The following DMRT1 variants were observed in gnomAD, a reference collection of about 807,000 sequenced individuals.
The protein encoded by DMRT1 is doublesex and mab-3 related transcription factor 1, also known as doublesex- and mab-3-related transcription factor 1.
A neutral mutation model predicts 32.3 loss-of-function variants in DMRT1; 7 were observed. The ratio of observed to expected loss-of-function variants is 0.22; its 90% confidence interval spans 0.12 to 0.41. DMRT1 has a LOEUF of 0.41. Ranked by LOEUF, DMRT1 falls within the 10% of genes least tolerant of loss-of-function variation. The pLI is 1.00. For missense variants in DMRT1, 625 were observed against 500.5 expected (o/e 1.25, Z -2.37); for synonymous variants, 278 against 206.1 (o/e 1.35, Z -2.99).
intron 4 of DMRT1, among the ~76,000 whole-genome samples, chr9:941,347 T>G (rs992092297): frequency 1.0e-5 from 1 of 95,866 alleles, no homozygotes; most frequent in African/African-American, 4.5e-5. Context: ...CCCACACATA[T>G]GCAATGGAAT....
rs150816242 is a variant in DMRT1, at chr9:867,876, T to G, written c.538+20733T>G. Among the ~76,000 whole-genome samples the G allele has an allele frequency of 1.6e-3, 247 of 152,362 alleles. 2 individuals carry two copies. Among genetic ancestry groups the G allele is most frequent in the African/African-American group, 5.8e-3 (240 of 41,600 alleles). On this transcript the variant is annotated intron_variant, in intron 2 of 4. Coordinates refer to ENST00000382276, the MANE Select transcript of DMRT1 (RefSeq NM_021951.3). ...TATTTTCTCTGTAAGTGCTGTGTTA[T>G]TAACATACTACATTTTATCATTCTG...
At chr9:949,599 C>T (rs1819364451) in intron 4 of DMRT1, among the ~76,000 whole-genome samples, 1 of 152,030 alleles carries the variant, frequency 6.6e-6, no homozygotes, top group African/African-American at 2.4e-5. Flanking sequence ...TAAGACCTAC[C>T]CTCTTAGCAA....
At chr9:966,080 A>G (rs1299277889) in intron 4 of DMRT1, among the ~76,000 whole-genome samples, 1 of 152,186 alleles carries the variant, frequency 6.6e-6, no homozygotes. Context: ...TCTGTATAGT[A>G]ACAAGATCTC....
At chr9:940,458 C>T (rs926475354) in intron 4 of DMRT1, among the ~76,000 whole-genome samples, 1 of 151,882 alleles carries the variant, frequency 6.6e-6, no homozygotes, top group African/African-American at 2.4e-5. Context: ...CAATAGAGAA[C>T]ATTCTTAACA....
At chr9:956,285 A>C (rs1254615981) in intron 4 of DMRT1, among the ~76,000 whole-genome samples, 1 of 152,228 alleles carries the variant, frequency 6.6e-6, no homozygotes, top group African/African-American at 2.4e-5. Flanking sequence ...GAGGATGGAC[A>C]GTTGTTGTTT....
chr9:944,764 A>G (rs964323995), intron 4 of DMRT1, among the ~76,000 whole-genome samples: 4 of 152,322 alleles, frequency 2.6e-5, no homozygotes, highest in East Asian at 1.9e-4. Flanking sequence ...TGCACCCATT[A>G]TGATATCAAA....
At chr9:857,620 G>A (rs933478927) in intron 2 of DMRT1, among the ~76,000 whole-genome samples, 2 of 152,168 alleles carry the variant, frequency 1.3e-5, no homozygotes, top group African/African-American at 4.8e-5. Context: ...TAATCTGTGA[G>A]TTTCTTTTTT....
intron 4 of DMRT1, among the ~76,000 whole-genome samples, chr9:950,583 C>G (rs112620264): frequency 6.6e-6 from 1 of 152,174 alleles, no homozygotes; most frequent in Admixed American, 6.5e-5. Context: ...AGGGGCTCAA[C>G]GAATGATAGT....
At position 847,079 on chromosome 9, in the gene DMRT1, C is replaced by A; in HGVS notation, c.474C>A (p.Leu158=). 1 of 1,613,976 alleles carries A rather than the reference C, an allele frequency of 6.2e-7. No individual in the cohort carries two copies. The highest frequency in any genetic ancestry group is 1.3e-5 in the African/African-American group (1 of 75,046). ...KRENNGSNPC[L]MTECSGTSQP... ...AGAACAATGGCAGTAACCCGTGCCT[C>A]ATGACTGAGTGCAGTGGCACCTCTC... is the stretch of plus-strand genomic sequence containing the variant. Residue 158 remains leucine (L), a synonymous_variant, in exon 2 of 5, where the codon CTC becomes CTA. Transcript: ENST00000382276.
At chr9:896,597 G>A (rs1586583646) in intron 3 of DMRT1, among the ~76,000 whole-genome samples, 1 of 152,016 alleles carries the variant, frequency 6.6e-6, no homozygotes, top group East Asian at 1.9e-4. Context: ...GGTGGATCAC[G>A]AGGTCAGGAG....
chr9:907,027 A>C (rs2129712685), intron 3 of DMRT1, among the ~76,000 whole-genome samples: 1 of 152,294 alleles, frequency 6.6e-6, no homozygotes, highest in South Asian at 2.1e-4. Flanking sequence ...TCTTCCTCTG[A>C]AATTTGGTTA....
intron 2 of DMRT1, among the ~76,000 whole-genome samples, chr9:866,673 G>T (rs1218861117): frequency 6.6e-6 from 1 of 152,170 alleles, no homozygotes; most frequent in African/African-American, 2.4e-5. Flanking sequence ...AGTAACAAGC[G>T]GAAGCAATGT....
At chr9:952,974 C>T (rs1348293329) in intron 4 of DMRT1, among the ~76,000 whole-genome samples, 2 of 152,030 alleles carry the variant, frequency 1.3e-5, no homozygotes, top group African/African-American at 2.4e-5. Flanking sequence ...ATTCTCATAG[C>T]CTATAGACTT....
intron 3 of DMRT1, among the ~76,000 whole-genome samples, chr9:906,483 A>C (rs954966165): frequency 1.3e-5 from 2 of 152,234 alleles, no homozygotes; most frequent in Non-Finnish European, 2.9e-5. Flanking sequence ...TGATAGGGCT[A>C]TATCTCTTGA....
rs1175591575 is a variant in DMRT1 at position 894,543 on chromosome 9, C to T, written c.822+348C>T. ...AATAACCAGTTGGGCACAGGCAGATCACAAGTACTGAATGAGGTACCACCT... is the reference window on the plus strand; with the variant it reads ...AATAACCAGTTGGGCACAGGCAGATTACAAGTACTGAATGAGGTACCACCT... On this transcript the variant is annotated intron_variant, in intron 3 of 4. Transcript: ENST00000382276. 2.8e-5 allele frequency: 10 copies of T among 355,808 alleles called. 1 individual carries two copies. Among genetic ancestry groups the T allele is most frequent in the South Asian group, 2.1e-4 (9 of 42,092 alleles). 22.0% of individuals were successfully genotyped at this position (355,808 alleles called of 1,614,324 possible).
intron 2 of DMRT1, among the ~76,000 whole-genome samples, chr9:872,186 C>T (rs374674309): frequency 2.1e-4 from 31 of 151,050 alleles, no homozygotes; most frequent in Non-Finnish European, 3.2e-4. Flanking sequence ...CTGAGCCTCC[C>T]GAGTAGCTGG....
At position 842,031 on chromosome 9, in the gene DMRT1, G is replaced by T. The variant is rs892845295; in HGVS notation, c.193G>T (p.Ala65Ser). ...CGGCTCCGGGGCGTCGGACCTGGGT[G>T]CCGGGAGCAAGAAGTCCCCGCGGCT... is the stretch of plus-strand genomic sequence containing the variant. ...GSGSGASDLG[A>S]GSKKSPRLPK... Residue 65 changes from alanine (A) to serine (S), a missense_variant, in exon 1 of 5, where the codon GCC (alanine) becomes TCC (serine). Coordinates refer to ENST00000382276, the MANE Select transcript of DMRT1 (RefSeq NM_021951.3). 1.9e-6 allele frequency: 3 copies of T among 1,547,756 alleles called. No homozygotes were observed. The highest frequency in any genetic ancestry group is 1.9e-4 in the Middle Eastern group (1 of 5,200).
At chr9:888,530 G>A (rs1276021260) in intron 2 of DMRT1, among the ~76,000 whole-genome samples, 1 of 152,098 alleles carries the variant, frequency 6.6e-6, no homozygotes. Flanking sequence ...GAACTCCTGG[G>A]CTCAAGTGAA....
At chr9:914,041 A>AC in intron 3 of DMRT1, among the ~76,000 whole-genome samples, 1 of 152,140 alleles carries the variant, frequency 6.6e-6, no homozygotes, top group Non-Finnish European at 1.5e-5. Flanking sequence ...TTTTAACAGG[A>AC]CCCCCTGGCC....
Sources: allele counts gnomAD v4.1 joint callset (sites outside exome capture counted in the v4.1 genomes callset), GRCh38; gene constraint gnomAD v4.1.1; transcripts MANE v1.5; gene names NCBI Gene and HGNC (gene_info 2026-07-23, HGNC 2026-07-21).